SMAP1: variants seen among roughly 807,000 people sequenced by gnomAD.
SMAP1 encodes small ArfGAP 1, also known as stromal membrane-associated protein 1.
A neutral mutation model predicts 58.5 loss-of-function variants in SMAP1; 24 were observed. The observed-to-expected ratio is 0.41, with a 90% confidence interval of 0.30 to 0.58. The LOEUF (loss-of-function observed/expected upper bound fraction) is 0.58, where lower values mean the gene tolerates loss of function less well. Ranked by LOEUF, SMAP1 falls within the 20% of genes least tolerant of loss-of-function variation. The pLI, the probability that SMAP1 is intolerant of heterozygous loss-of-function variation, is 0.29. For synonymous variants in SMAP1, 216 were observed against 196.6 expected, an observed-to-expected ratio of 1.10 and a Z score of -0.82; for missense variants, 563 against 566.3, an observed-to-expected ratio of 0.99 and a Z score of 0.06.
chr6:70,763,249 A>G (rs1025956533), intron 3 of SMAP1, among the ~76,000 whole-genome samples: 85 of 151,694 alleles, frequency 5.6e-4, no homozygotes, highest in African/African-American at 2.0e-3. Flanking sequence ...GAATATTTCA[A>G]ACTTTTTTAT....
intron 6 of SMAP1, among the ~76,000 whole-genome samples, chr6:70,815,368 T>C (rs1411353527): frequency 6.6e-6 from 1 of 152,202 alleles, no homozygotes; most frequent in African/African-American, 2.4e-5. Context: ...TCCAATTGTG[T>C]AAGTTACCTT....
At chr6:70,797,770 T>G (rs1396988253) in intron 5 of SMAP1, among the ~76,000 whole-genome samples, 1 of 152,112 alleles carries the variant, frequency 6.6e-6, no homozygotes, top group Non-Finnish European at 1.5e-5. Context: ...TTTATCATGT[T>G]GCCTTCCCTA....
At chr6:70,777,301 G>A (rs1165136047) in intron 4 of SMAP1, among the ~76,000 whole-genome samples, 1 of 152,154 alleles carries the variant, frequency 6.6e-6, no homozygotes, top group Admixed American at 6.5e-5. Flanking sequence ...CATCGTTCAC[G>A]CTGGGAGCTG....
intron 6 of SMAP1, among the ~76,000 whole-genome samples, chr6:70,819,760 C>T (rs529794411): frequency 1.3e-5 from 2 of 152,274 alleles, no homozygotes; most frequent in East Asian, 1.9e-4. Context: ...TCCAAGATTT[C>T]GAAATAGGTT....
At chr6:70,771,751 G>A (rs1056732792) in intron 3 of SMAP1, among the ~76,000 whole-genome samples, 1 of 152,168 alleles carries the variant, frequency 6.6e-6, no homozygotes, top group Non-Finnish European at 1.5e-5. Flanking sequence ...ACGGTGTGCT[G>A]CACCACTGTC....
chr6:70,674,156 C>CT (rs1309240717), intron 1 of SMAP1, among the ~76,000 whole-genome samples: 6 of 151,244 alleles, frequency 4.0e-5, no homozygotes, highest in Admixed American at 2.6e-4. Context: ...GGGTCTCACT[C>CT]TGTCGCTGGG....
intron 4 of SMAP1, among the ~76,000 whole-genome samples, chr6:70,774,630 G>A (rs1288698571): frequency 6.6e-6 from 1 of 152,138 alleles, no homozygotes; most frequent in Non-Finnish European, 1.5e-5. Context: ...TGTAATCCCA[G>A]CACTTTGGGA....
intron 4 of SMAP1, among the ~76,000 whole-genome samples, chr6:70,784,971 C>A (rs11755678): frequency 0.11 from 16,692 of 151,964 alleles, 974 homozygotes; most frequent in Middle Eastern, 0.21. Flanking sequence ...CATCTACAGA[C>A]CTCTCCACCC....
intron 6 of SMAP1, among the ~76,000 whole-genome samples, chr6:70,824,724 TG>T (rs1394961162): frequency 1.3e-5 from 2 of 152,182 alleles, no homozygotes; most frequent in African/African-American, 2.4e-5. Context: ...CTAACTCTAC[TG>T]TTTTTATTTC....
chr6:70,683,929 G>A (rs1319553697), intron 1 of SMAP1, among the ~76,000 whole-genome samples: 2 of 152,230 alleles, frequency 1.3e-5, no homozygotes, highest in African/African-American at 2.4e-5. Flanking sequence ...ACGTATTAAT[G>A]TGTTACCCTT....
At chr6:70,758,772 G>A (rs1296136029) in intron 3 of SMAP1, among the ~76,000 whole-genome samples, 1 of 152,066 alleles carries the variant, frequency 6.6e-6, no homozygotes, top group Admixed American at 6.6e-5. Context: ...CATTAAGATT[G>A]GCTTTGGTTC....
intron 1 of SMAP1, among the ~76,000 whole-genome samples, chr6:70,692,543 G>C (rs762385305): frequency 6.6e-6 from 1 of 152,190 alleles, no homozygotes; most frequent in Non-Finnish European, 1.5e-5. Flanking sequence ...TAGTTTCATA[G>C]TTTGAGGTCT....
intron 1 of SMAP1, among the ~76,000 whole-genome samples, chr6:70,690,559 G>A (rs939296939): frequency 1.1e-4 from 16 of 151,924 alleles, no homozygotes; most frequent in African/African-American, 3.9e-4. Flanking sequence ...GCCCGCCTTG[G>A]CCTCCCAAAG....
At chr6:70,847,185 C>T (rs1322739296) in intron 7 of SMAP1, among the ~76,000 whole-genome samples, 2 of 152,172 alleles carry the variant, frequency 1.3e-5, no homozygotes, top group Non-Finnish European at 2.9e-5. Context: ...TCATTTGGCT[C>T]ACTTCCCAAA....
At chr6:70,710,208 A>G (rs1767995986) in intron 1 of SMAP1, among the ~76,000 whole-genome samples, 1 of 152,114 alleles carries the variant, frequency 6.6e-6, no homozygotes, top group Non-Finnish European at 1.5e-5. Flanking sequence ...AAGATAAAAA[A>G]CAGGCTGGGT....
rs528536408 is a variant in SMAP1, at chr6:70,861,982, T to G, written c.*1648T>G. On this transcript the variant is annotated 3_prime_UTR_variant, in exon 11 of 11. Coordinates refer to ENST00000370455, the MANE Select transcript of SMAP1 (RefSeq NM_001044305.3). ...ACTTGAAGACTTACAGCAAATCCTT[T>G]GTGAAAAATAAAAAAAAAAAAGAGA... 6.4e-7 allele frequency: 1 copy of G among 1,572,388 alleles called. No individual in the cohort carries two copies. The highest frequency in any genetic ancestry group is 2.2e-5 in the East Asian group (1 of 44,478).
intron 4 of SMAP1, among the ~76,000 whole-genome samples, chr6:70,780,928 A>G (rs546756172): frequency 1.3e-5 from 2 of 152,240 alleles, no homozygotes; most frequent in Non-Finnish European, 2.9e-5. Context: ...TTGCTGCAAG[A>G]ATTAAGATGA....
rs570901068 is a variant in SMAP1 at position 70,769,303 on chromosome 6, C to T, written c.339-4047C>T. ...AGAGCTGAGTTCAATTCCTGGGTAT[C>T]CTTGTTAACTTTCTGTCTCGTTGAT... On this transcript the variant is annotated intron_variant, in intron 3 of 10. Coordinates refer to ENST00000370455, the MANE Select transcript of SMAP1 (RefSeq NM_001044305.3). Among the ~76,000 whole-genome samples the T allele has an allele frequency of 2.6e-4, 39 of 152,124 alleles. 1 individual carries two copies. The East Asian group carries it at 7.5e-3, about 29-fold the overall frequency.
intron 6 of SMAP1, among the ~76,000 whole-genome samples, chr6:70,803,738 T>C (rs1172618890): frequency 1.3e-5 from 2 of 152,236 alleles, no homozygotes; most frequent in Non-Finnish European, 2.9e-5. Context: ...ATTTCTGCCT[T>C]CATTTCTTTA....
Sources: allele counts gnomAD v4.1 joint callset (sites outside exome capture counted in the v4.1 genomes callset), GRCh38; gene constraint gnomAD v4.1.1; transcripts MANE v1.5; gene names NCBI Gene and HGNC (gene_info 2026-07-23, HGNC 2026-07-21).